The following LRRC4C variants were observed in gnomAD, a reference collection of about 807,000 sequenced individuals.
The protein encoded by LRRC4C is leucine-rich repeat-containing protein 4C.
LRRC4C carries 5 observed loss-of-function variants against 33.6 expected under a neutral mutation model. The ratio of observed to expected loss-of-function variants is 0.15; its 90% CI spans 0.08 to 0.31. LRRC4C has a LOEUF of 0.31. Among genes scored for constraint, LRRC4C ranks in the 10% least tolerant of loss-of-function variants. The pLI is 1.00. For missense variants in LRRC4C, 560 were observed against 796.7 expected (o/e 0.70, Z 3.58); for synonymous variants, 329 against 302.0 (o/e 1.09, Z -0.93).
chr11:41,121,025 T>C (rs143891658), intron 1 of LRRC4C, among the ~76,000 whole-genome samples: 455 of 152,296 alleles, frequency 3.0e-3, no homozygotes, highest in African/African-American at 0.01. Flanking sequence ...TATGAGTCAA[T>C]TAAAGCTTTT....
chr11:40,852,715 C>T lies in LRRC4C; in HGVS notation c.-407+80920G>A, dbSNP rs1239924047. On this transcript the variant is annotated intron_variant, in intron 2 of 6. Coordinates refer to ENST00000528697, the MANE Select transcript of LRRC4C (RefSeq NM_001258419.2). ...TTTACAAGCTGTCAACAACCAAGAA[C>T]ATTAGTATGATGACATAATTAATAG... Among the ~76,000 whole-genome samples the T allele has an allele frequency of 3.3e-5, 5 of 152,026 alleles. 1 individual carries two copies. Among genetic ancestry groups the T allele is most frequent in the Admixed American group, 2.6e-4 (4 of 15,264 alleles).
intron 3 of LRRC4C, among the ~76,000 whole-genome samples, chr11:40,582,344 A>AT (rs908843315): frequency 1.3e-5 from 2 of 152,124 alleles, no homozygotes; most frequent in Non-Finnish European, 2.9e-5. Flanking sequence ...ACTAAACAAT[A>AT]TTTTTTTCTA....
intron 2 of LRRC4C, among the ~76,000 whole-genome samples, chr11:40,773,423 G>T (rs923644239): frequency 1.8e-4 from 28 of 152,032 alleles, no homozygotes; most frequent in Admixed American, 1.3e-3. Flanking sequence ...ATACACTGTT[G>T]TGATTATTAT....
Position 40,204,614 on chromosome 11 carries a change from C to T in LRRC4C, c.-96+36905G>A, listed in dbSNP as rs78400526. Reference sequence around the variant, plus strand: ...TTATTCTAAGTTGCAAAACTACCTTCTATCATAAAGACAAGGAAAGTGTAT... The same window carrying T: ...TTATTCTAAGTTGCAAAACTACCTTTTATCATAAAGACAAGGAAAGTGTAT... On this transcript the variant is annotated intron_variant, in intron 5 of 6. Coordinates refer to ENST00000528697, the MANE Select transcript of LRRC4C (RefSeq NM_001258419.2). Among the ~76,000 whole-genome samples, 332 of 152,172 alleles carry T rather than the reference C, an allele frequency of 2.2e-3. 2 individuals carry two copies. Among genetic ancestry groups the T allele is most frequent in the African/African-American group, 7.7e-3 (319 of 41,540 alleles).
At chr11:40,525,481 C>A (rs1033632581) in intron 3 of LRRC4C, among the ~76,000 whole-genome samples, 1 of 151,818 alleles carries the variant, frequency 6.6e-6, no homozygotes, top group Non-Finnish European at 1.5e-5. Flanking sequence ...GGCTGGAGGG[C>A]AACCCCACAA....
rs1591998801 is a variant in LRRC4C at position 40,887,950 on chromosome 11, C to T, written c.-407+45685G>A. Among the ~76,000 whole-genome samples, 3 of 151,874 alleles carry T rather than the reference C, an allele frequency of 2.0e-5. No homozygotes were observed. In the South Asian group the frequency reaches 6.2e-4, roughly 31 times the overall value. ...TGCCTCTCCTTCATTATAAGTTTTTCTTCAAACATGTAAAAGTTTGGTTAT... is the reference window on the plus strand; with the variant it reads ...TGCCTCTCCTTCATTATAAGTTTTTTTTCAAACATGTAAAAGTTTGGTTAT... On this transcript the variant is annotated intron_variant, in intron 2 of 6. Transcript: ENST00000528697.
At chr11:40,633,253 C>A (rs1963619068) in intron 3 of LRRC4C, among the ~76,000 whole-genome samples, 1 of 152,018 alleles carries the variant, frequency 6.6e-6, no homozygotes, top group African/African-American at 2.4e-5. Flanking sequence ...CACACACATG[C>A]ACACACAAAT....
chr11:40,618,532 C>T (rs759854144), intron 3 of LRRC4C, among the ~76,000 whole-genome samples: 5 of 151,702 alleles, frequency 3.3e-5, no homozygotes, highest in Non-Finnish European at 5.9e-5. Flanking sequence ...AACTAATATA[C>T]TATGCAATCG....
intron 2 of LRRC4C, among the ~76,000 whole-genome samples, chr11:40,792,936 A>G (rs889784755): frequency 3.9e-5 from 6 of 152,026 alleles, no homozygotes; most frequent in African/African-American, 1.2e-4. Context: ...GAATTGAACA[A>G]TGAGAACACT....
intron 3 of LRRC4C, among the ~76,000 whole-genome samples, chr11:40,606,242 T>C (rs1157076953): frequency 6.6e-6 from 1 of 152,144 alleles, no homozygotes; most frequent in African/African-American, 2.4e-5. Context: ...TCACTTATTG[T>C]AGCGCTAGAG....
At chr11:41,021,427 C>T (rs937614555) in intron 1 of LRRC4C, among the ~76,000 whole-genome samples, 10 of 152,006 alleles carry the variant, frequency 6.6e-5, no homozygotes, top group African/African-American at 2.4e-4. Context: ...CACTAGACTT[C>T]CCTAAACACT....
chr11:41,418,596 C>T (rs1345878441), intron 1 of LRRC4C, among the ~76,000 whole-genome samples: 4 of 151,854 alleles, frequency 2.6e-5, no homozygotes, highest in South Asian at 2.1e-4. Flanking sequence ...TCAGAGATAT[C>T]GCCAGCTAGG....
At chr11:41,431,676 T>G (rs1233188091) in intron 1 of LRRC4C, among the ~76,000 whole-genome samples, 2 of 151,876 alleles carry the variant, frequency 1.3e-5, no homozygotes, top group East Asian at 3.9e-4. Flanking sequence ...CGCACACACA[T>G]GCCCAGTTAA....
At chr11:40,192,975 G>C (rs4570565) in intron 5 of LRRC4C, among the ~76,000 whole-genome samples, 143,245 of 152,230 alleles carry the variant, frequency 0.94, 67,935 homozygotes, top group Non-Finnish European at 1. Context: ...AGATAAAACT[G>C]CCATCTCCCT....
chr11:40,711,263 C>T (rs891820763), intron 2 of LRRC4C, among the ~76,000 whole-genome samples: 4 of 152,118 alleles, frequency 2.6e-5, no homozygotes, highest in African/African-American at 7.2e-5. Flanking sequence ...AGAAATCACC[C>T]GTCTTCTGCA....
chr11:40,781,645 C>A (rs967519937), intron 2 of LRRC4C, among the ~76,000 whole-genome samples: 13 of 152,178 alleles, frequency 8.5e-5, no homozygotes, highest in Admixed American at 2.6e-4. Context: ...AGCAAAATAT[C>A]TTAAACTATC....
intron 3 of LRRC4C, among the ~76,000 whole-genome samples, chr11:40,436,821 C>A (rs1036955819): frequency 6.6e-6 from 1 of 152,128 alleles, no homozygotes; most frequent in Non-Finnish European, 1.5e-5. Context: ...TTGAGGACTT[C>A]AACTACAGCT....
intron 2 of LRRC4C, among the ~76,000 whole-genome samples, chr11:40,829,144 G>T (rs1952296046): frequency 6.6e-6 from 1 of 151,924 alleles, no homozygotes; most frequent in South Asian, 2.1e-4. Context: ...TTGTTTTGAA[G>T]AATTCTGCTT....
At chr11:40,365,529 T>A (rs1180879637) in intron 3 of LRRC4C, among the ~76,000 whole-genome samples, 1 of 152,076 alleles carries the variant, frequency 6.6e-6, no homozygotes, top group African/African-American at 2.4e-5. Flanking sequence ...TCATGTCACA[T>A]GAGTTCTAAG....
Sources: gnomAD v4.1 joint callset for allele counts (sites outside exome capture counted in the v4.1 genomes callset) on GRCh38, gnomAD v4.1.1 for gene constraint, MANE v1.5 for transcripts, NCBI Gene and HGNC (gene_info 2026-07-23, HGNC 2026-07-21) for gene names.